Variants in SAE1 observed in about 807,000 individuals in gnomAD.
SAE1 encodes SUMO-activating enzyme subunit 1.
Under a neutral mutation model 40.6 loss-of-function variants are expected in SAE1, and 11 were observed. The ratio of observed to expected loss-of-function variants is 0.27; its 90% confidence interval spans 0.17 to 0.45. The LOEUF (loss-of-function observed/expected upper bound fraction) is 0.45. Among genes scored for constraint, SAE1 ranks in the 20% least tolerant of loss-of-function variants. SAE1 has a pLI of 1.00. For missense variants in SAE1, 373 were observed against 427.3 expected (o/e 0.87, Z 1.12); for synonymous variants, 155 against 154.3 (o/e 1.00, Z -0.03).
intron 8 of SAE1, among the ~76,000 whole-genome samples, chr19:47,205,319 A>C (rs909545402): frequency 2.2e-5 from 2 of 90,092 alleles, no homozygotes; most frequent in Non-Finnish European, 4.0e-5. Context: ...TCCTAAGGCT[A>C]CTTTTTTTTT....
intron 1 of SAE1, among the ~76,000 whole-genome samples, chr19:47,139,316 A>G (rs886547114): frequency 2.0e-5 from 3 of 152,138 alleles, no homozygotes; most frequent in Non-Finnish European, 4.4e-5. Context: ...TGCTGGGATT[A>G]CAGGCGTGAG....
intron 1 of SAE1, among the ~76,000 whole-genome samples, chr19:47,142,143 G>A (rs2058226056): frequency 6.6e-6 from 1 of 152,102 alleles, no homozygotes; most frequent in South Asian, 2.1e-4. Flanking sequence ...CAGCACTTTG[G>A]GAGGCTGAGG....
intron 5 of SAE1, among the ~76,000 whole-genome samples, chr19:47,155,996 C>T (rs1352943325): frequency 1.3e-5 from 2 of 151,904 alleles, no homozygotes; most frequent in African/African-American, 2.4e-5. Context: ...GCCTCAGCCC[C>T]ACAAAGTGCT....
At chr19:47,131,106 C>T in intron 1 of SAE1, 78 bp downstream of exon 1, 2 of 1,448,296 alleles carry the variant, frequency 1.4e-6, no homozygotes, top group Non-Finnish European at 9.1e-7. Context: ...CCGGAAGGAG[C>T]GGGAAGGTGT....
Position 47,195,981 on chromosome 19 carries a change from G to A in SAE1, c.734-1252G>A, listed in dbSNP as rs554411964. On this transcript the variant is annotated intron_variant, in intron 6 of 8. Coordinates refer to ENST00000270225, the MANE Select transcript of SAE1 (RefSeq NM_005500.3). ...ACTCCTGGGCTCAAGCGATCCTCAC[G>A]CCTTGGCCCCCCAAAGTGTTGGGAT... Among the ~76,000 whole-genome samples, 53 of 148,654 alleles carry A rather than the reference G, an allele frequency of 3.6e-4. 1 individual carries two copies. The South Asian group carries it at 8.4e-3, about 24-fold the overall frequency.
At chr19:47,154,841 T>C (rs1031636927) in intron 4 of SAE1, among the ~76,000 whole-genome samples, 1 of 152,216 alleles carries the variant, frequency 6.6e-6, no homozygotes, top group Non-Finnish European at 1.5e-5. Flanking sequence ...GTTTACAAAG[T>C]AATCACTTTG....
intron 6 of SAE1, among the ~76,000 whole-genome samples, chr19:47,173,685 C>CA (rs1021396096): frequency 2.6e-5 from 4 of 151,944 alleles, no homozygotes; most frequent in African/African-American, 9.7e-5. Context: ...GCTCTAACAT[C>CA]AAAAAATGTT....
chr19:47,196,170 C>G (rs1277099751), intron 6 of SAE1, among the ~76,000 whole-genome samples: 1 of 150,506 alleles, frequency 6.6e-6, no homozygotes, highest in South Asian at 2.1e-4. Context: ...CTCAGCCTTC[C>G]GAGTAGCTGG....
chr19:47,139,095 G>T (rs1017595852), intron 1 of SAE1, among the ~76,000 whole-genome samples: 1 of 152,182 alleles, frequency 6.6e-6, no homozygotes, highest in Non-Finnish European at 1.5e-5. Context: ...GGGACTACAG[G>T]CACGTGCCAC....
chr19:47,180,607 C>T (rs1288087690), intron 6 of SAE1, among the ~76,000 whole-genome samples: 2 of 152,090 alleles, frequency 1.3e-5, no homozygotes, highest in Non-Finnish European at 2.9e-5. Flanking sequence ...TGATCACTTG[C>T]ACCCAGGAGT....
At chr19:47,177,367 T>C (rs2058476062) in intron 6 of SAE1, among the ~76,000 whole-genome samples, 1 of 152,200 alleles carries the variant, frequency 6.6e-6, no homozygotes, top group Non-Finnish European at 1.5e-5. Flanking sequence ...GTTTGTTTTT[T>C]TTCCCCCCCA....
At chr19:47,182,117 A>G (rs1012207723) in intron 6 of SAE1, among the ~76,000 whole-genome samples, 2 of 151,912 alleles carry the variant, frequency 1.3e-5, no homozygotes, top group African/African-American at 4.8e-5. Context: ...TTCTTTCCTC[A>G]TTCTTCAATT....
intron 2 of SAE1, among the ~76,000 whole-genome samples, chr19:47,147,844 T>G (rs1298884709): frequency 6.6e-6 from 1 of 151,040 alleles, no homozygotes. Flanking sequence ...CTGCAAGCTC[T>G]GCCTCCCGGG....
intron 7 of SAE1, among the ~76,000 whole-genome samples, chr19:47,199,869 G>A (rs555597233): frequency 2.6e-5 from 4 of 151,936 alleles, no homozygotes; most frequent in East Asian, 3.9e-4. Flanking sequence ...GTCATCAGCC[G>A]CTGACCTCAC....
intron 5 of SAE1, among the ~76,000 whole-genome samples, chr19:47,160,617 G>C (rs1276785785): frequency 6.6e-6 from 1 of 151,794 alleles, no homozygotes; most frequent in South Asian, 2.1e-4. Flanking sequence ...GGATGGTCTC[G>C]ATCTCCTGAC....
intron 7 of SAE1, 43 bp downstream of exon 7, chr19:47,197,420 G>C: frequency 1.9e-6 from 3 of 1,548,828 alleles, no homozygotes; most frequent in Non-Finnish European, 2.6e-6. Context: ...GACAGATAAA[G>C]TTTGTTTTCA....
intron 7 of SAE1, among the ~76,000 whole-genome samples, chr19:47,199,746 T>C (rs766201975): frequency 6.6e-6 from 1 of 152,112 alleles, no homozygotes; most frequent in Non-Finnish European, 1.5e-5. Flanking sequence ...ACCCAGTCCT[T>C]CTTCCTGCTG....
intron 6 of SAE1, among the ~76,000 whole-genome samples, chr19:47,180,812 G>A (rs1197722658): frequency 6.6e-6 from 1 of 152,056 alleles, no homozygotes; most frequent in African/African-American, 2.4e-5. Flanking sequence ...GCAAGACTTT[G>A]TCTCCCCCGA....
chr19:47,150,459 C>A, intron 3 of SAE1, 84 bp downstream of exon 3: 1 of 1,064,696 alleles, frequency 9.4e-7, no homozygotes, highest in Non-Finnish European at 1.4e-6. Context: ...CCAAAGCAAT[C>A]TGAGAGCATT....
Sources: gnomAD v4.1 joint callset for allele counts (sites outside exome capture counted in the v4.1 genomes callset) on GRCh38, gnomAD v4.1.1 for gene constraint, MANE v1.5 for transcripts, NCBI Gene and HGNC (gene_info 2026-07-23, HGNC 2026-07-21) for gene names.